MARCHF3: variants seen among roughly 807,000 people sequenced by gnomAD.
MARCHF3 encodes the protein membrane associated ring-CH-type finger 3, also known as E3 ubiquitin-protein ligase MARCHF3.
Under a neutral mutation model 24.2 loss-of-function variants are expected in MARCHF3, and 13 were observed. That is an observed-to-expected ratio of 0.54 (90% CI 0.35 to 0.85). MARCHF3 has a LOEUF of 0.85. Among genes scored for constraint, MARCHF3 ranks in the 40% least tolerant of loss-of-function variants. The probability of loss-of-function intolerance (pLI) is 0.01; values close to 1 mark genes in which losing one functional copy is unlikely to be tolerated. For synonymous variants in MARCHF3, 144 were observed against 137.3 expected (o/e 1.05, Z -0.34); for missense variants, 276 against 325.0 (o/e 0.85, Z 1.16).
chr5:127,012,353 C>T (rs895499465), intron 1 of MARCHF3, among the ~76,000 whole-genome samples: 1 of 152,072 alleles, frequency 6.6e-6, no homozygotes, highest in Admixed American at 6.5e-5. Context: ...AAAAAAGCAA[C>T]CTGTGAAAAT....
In MARCHF3 at chr5:126,870,306, A is replaced by G. The variant is rs1004830417; in HGVS notation, c.*327T>C. Reference sequence around the variant, plus strand: ...GTGTGTGTTTGAAATAGTAATAAAAAAGGAAGAATTGAATTGCATCCGTAG... The same window carrying G: ...GTGTGTGTTTGAAATAGTAATAAAAGAGGAAGAATTGAATTGCATCCGTAG... On this transcript the variant is annotated 3_prime_UTR_variant, in exon 5 of 5. Transcript: ENST00000308660. The G allele has an allele frequency of 5.3e-6, 1 of 188,436 alleles. No individual in the cohort carries two copies. The highest frequency in any genetic ancestry group is 1.1e-5 in the Non-Finnish European group (1 of 89,722). 11.7% of individuals were successfully genotyped at this position (188,436 alleles called of 1,614,324 possible).
At chr5:126,984,913 TG>T (rs1751511185) in intron 1 of MARCHF3, among the ~76,000 whole-genome samples, 1 of 152,196 alleles carries the variant, frequency 6.6e-6, no homozygotes, top group Non-Finnish European at 1.5e-5. Flanking sequence ...GCACTTAAGC[TG>T]TCAGTGAGTG....
intron 1 of MARCHF3, among the ~76,000 whole-genome samples, chr5:126,986,410 C>T (rs12652390): frequency 0.02 from 3,101 of 152,214 alleles, 75 homozygotes; most frequent in South Asian, 0.12. Context: ...TTTTGAGCAT[C>T]TAATTTAGAC....
At chr5:126,967,677 G>A (rs1240830853) in intron 1 of MARCHF3, among the ~76,000 whole-genome samples, 1 of 152,182 alleles carries the variant, frequency 6.6e-6, no homozygotes, top group African/African-American at 2.4e-5. Context: ...TGGGTGACAA[G>A]AGCAAGACTC....
intron 1 of MARCHF3, among the ~76,000 whole-genome samples, chr5:126,968,123 T>C (rs1020553496): frequency 6.6e-6 from 1 of 152,250 alleles, no homozygotes; most frequent in Non-Finnish European, 1.5e-5. Context: ...TCAAGGTTCA[T>C]CTATGTTGTA....
At chr5:126,927,596 C>T (rs1561432127) in intron 1 of MARCHF3, among the ~76,000 whole-genome samples, 1 of 152,204 alleles carries the variant, frequency 6.6e-6, no homozygotes, top group Non-Finnish European at 1.5e-5. Context: ...CTTCCACACC[C>T]CCACCTGTTG....
At chr5:126,873,375 T>G (rs766515050) in intron 4 of MARCHF3, among the ~76,000 whole-genome samples, 1 of 151,790 alleles carries the variant, frequency 6.6e-6, no homozygotes, top group Non-Finnish European at 1.5e-5. Flanking sequence ...GAAAGAATTT[T>G]GTGACACCCT....
chr5:126,879,811 G>A (rs1753286952), intron 3 of MARCHF3, among the ~76,000 whole-genome samples: 1 of 152,164 alleles, frequency 6.6e-6, no homozygotes, highest in Non-Finnish European at 1.5e-5. Flanking sequence ...GTCAAACACA[G>A]ACGATGGGGT....
At chr5:126,881,477 A>T (rs1356136397) in intron 3 of MARCHF3, among the ~76,000 whole-genome samples, 1 of 152,220 alleles carries the variant, frequency 6.6e-6, no homozygotes, top group Non-Finnish European at 1.5e-5. Context: ...AGCAAAGTTT[A>T]TAACAGAGAA....
intron 3 of MARCHF3, among the ~76,000 whole-genome samples, chr5:126,905,479 CTT>C (rs1230190211): frequency 2.7e-5 from 4 of 150,222 alleles, no homozygotes; most frequent in Admixed American, 6.7e-5. Context: ...TTTGTATCCT[CTT>C]TTATTTCCTT....
chr5:126,899,093 C>T, intron 3 of MARCHF3: 1 of 985,296 alleles, frequency 1.0e-6, no homozygotes, highest in Non-Finnish European at 1.2e-6. Flanking sequence ...TGATGGATTG[C>T]AAAGAAACCG....
intron 3 of MARCHF3, among the ~76,000 whole-genome samples, chr5:126,901,236 T>C (rs759803823): frequency 9.2e-5 from 14 of 152,160 alleles, no homozygotes; most frequent in Non-Finnish European, 1.6e-4. Context: ...ATCTAACCCC[T>C]TAACTCTGTA....
At chr5:127,023,314 T>C (rs1752872020) in intron 1 of MARCHF3, among the ~76,000 whole-genome samples, 1 of 152,212 alleles carries the variant, frequency 6.6e-6, no homozygotes, top group Non-Finnish European at 1.5e-5. Flanking sequence ...GCCAATACTG[T>C]ATTTTTGATC....
At chr5:127,006,273 C>T (rs1238676016) in intron 1 of MARCHF3, among the ~76,000 whole-genome samples, 1 of 150,950 alleles carries the variant, frequency 6.6e-6, no homozygotes, top group Non-Finnish European at 1.5e-5. Context: ...ACCAAATAAT[C>T]ACTATTTTTA....
At chr5:126,890,010 T>A (rs1481468286) in intron 3 of MARCHF3, among the ~76,000 whole-genome samples, 1 of 152,088 alleles carries the variant, frequency 6.6e-6, no homozygotes, top group South Asian at 2.1e-4. Flanking sequence ...ACATCTAGAT[T>A]AGTAGCATCC....
At chr5:127,009,835 G>A (rs910232400) in intron 1 of MARCHF3, among the ~76,000 whole-genome samples, 9 of 152,180 alleles carry the variant, frequency 5.9e-5, no homozygotes, top group Admixed American at 1.3e-4. Context: ...AGCCAAAATT[G>A]CAACTTAGGC....
chr5:126,882,519 T>A lies in MARCHF3; in HGVS notation c.394-4125A>T, dbSNP rs552336110. Among the ~76,000 whole-genome samples, 4 of 152,340 alleles carry A rather than the reference T, an allele frequency of 2.6e-5. No homozygotes were observed. In the East Asian group the frequency reaches 7.7e-4, roughly 29 times the overall value. ...CTCCTCGATTACTGTTCTATTACAT[T>A]TTTGGCTCTTATGTCTTCTACCTTT... is the stretch of plus-strand genomic sequence containing the variant. On this transcript the variant is annotated intron_variant, in intron 3 of 4. Transcript: ENST00000308660.
intron 1 of MARCHF3, among the ~76,000 whole-genome samples, chr5:126,993,557 C>T (rs1446819112): frequency 4.6e-5 from 7 of 152,248 alleles, no homozygotes; most frequent in South Asian, 2.1e-4. Flanking sequence ...TGGAGGACCT[C>T]GGAAATAACT....
intron 1 of MARCHF3, among the ~76,000 whole-genome samples, chr5:126,929,085 C>T (rs141451737): frequency 1.3e-3 from 195 of 152,320 alleles, no homozygotes; most frequent in African/African-American, 4.0e-3. Context: ...TGTTATTCAT[C>T]GTATGTCCCT....
Sources: gnomAD v4.1 joint callset for allele counts (sites outside exome capture counted in the v4.1 genomes callset) on GRCh38, gnomAD v4.1.1 for gene constraint, MANE v1.5 for transcripts, NCBI Gene and HGNC (gene_info 2026-07-23, HGNC 2026-07-21) for gene names.